Variants in GARNL3 observed in about 807,000 individuals in gnomAD.
The protein encoded by GARNL3 is GTPase-activating Rap/Ran-GAP domain-like protein 3.
In GARNL3, 63 loss-of-function variants were observed where a neutral mutation model predicts 125.0. That is an observed-to-expected ratio of 0.50 (90% confidence interval 0.41 to 0.62). The LOEUF (loss-of-function observed/expected upper bound fraction) is 0.62, where lower values mean the gene tolerates loss of function less well. GARNL3 is among the 20% of genes least tolerant of loss of function. The pLI, the probability that GARNL3 is intolerant of heterozygous loss-of-function variation, is 0.00. For synonymous variants in GARNL3, 439 were observed against 457.5 expected (o/e 0.96, Z 0.52); for missense variants, 994 against 1,244.0 (o/e 0.80, Z 3.02).
At chr9:127,267,512 A>T (rs1352344754) in intron 1 of GARNL3, among the ~76,000 whole-genome samples, 1 of 152,178 alleles carries the variant, frequency 6.6e-6, no homozygotes, top group Non-Finnish European at 1.5e-5. Flanking sequence ...ACATAGTGAT[A>T]AATGATTATC....
At chr9:127,254,563 G>A (rs990334299) in intron 2 of GARNL3, among the ~76,000 whole-genome samples, 1 of 152,164 alleles carries the variant, frequency 6.6e-6, no homozygotes, top group African/African-American at 2.4e-5. Context: ...GAGATCAGGA[G>A]TTTGAGACCA....
chr9:127,336,274 CT>C (rs1434175094), intron 11 of GARNL3, 38 bp downstream of exon 11: 2 of 1,449,584 alleles, frequency 1.4e-6, no homozygotes, highest in Non-Finnish European at 1.9e-6. Context: ...GTGTGGCAAG[CT>C]GTGGTTCAGC....
At chr9:127,389,215 G>A (rs1832704715) in intron 26 of GARNL3, 96 bp downstream of exon 26, 1 of 894,160 alleles carries the variant, frequency 1.1e-6, no homozygotes, top group Non-Finnish European at 1.7e-6. Flanking sequence ...GAGTTTAAAA[G>A]GAAAGTTTCC....
chr9:127,227,619 A>C (rs2062936401), intron 1 of GARNL3, among the ~76,000 whole-genome samples: 1 of 150,554 alleles, frequency 6.6e-6, no homozygotes. Context: ...CAAAAAACAA[A>C]AAAAAAACCT....
At chr9:127,355,810 G>A (rs1830658687) in intron 20 of GARNL3, among the ~76,000 whole-genome samples, 2 of 152,230 alleles carry the variant, frequency 1.3e-5, no homozygotes, top group African/African-American at 4.8e-5. Flanking sequence ...TAAACATAGA[G>A]GAGGGCCAGG....
intron 1 of GARNL3, among the ~76,000 whole-genome samples, chr9:127,289,036 C>T (rs751803283): frequency 1.3e-5 from 2 of 152,196 alleles, no homozygotes; most frequent in Admixed American, 6.5e-5. Context: ...GCAGCCTATA[C>T]CAGTAACACT....
intron 4 of GARNL3, among the ~76,000 whole-genome samples, chr9:127,315,336 G>T (rs972593080): frequency 8.5e-5 from 13 of 152,256 alleles, no homozygotes; most frequent in African/African-American, 3.1e-4. Flanking sequence ...AGGTTATAAA[G>T]CAGTTAGAAA....
intron 16 of GARNL3, among the ~76,000 whole-genome samples, 159 bp from the exon 17 acceptor site, chr9:127,348,765 A>G (rs989892519): frequency 6.6e-6 from 1 of 152,228 alleles, no homozygotes; most frequent in Non-Finnish European, 1.5e-5. Context: ...TCTTCCTAAG[A>G]AAGGTAATTG....
chr9:127,314,892 C>T (rs2065196695), intron 4 of GARNL3, among the ~76,000 whole-genome samples: 1 of 152,140 alleles, frequency 6.6e-6, no homozygotes, highest in Admixed American at 6.5e-5. Flanking sequence ...AAACAGAGGC[C>T]TGAAGATGGA....
At chr9:127,388,732 T>C in intron 25 of GARNL3, 172 bp from the exon 26 acceptor site, 3 of 602,024 alleles carry the variant, frequency 5.0e-6, no homozygotes, top group Non-Finnish European at 8.9e-6. Flanking sequence ...CGCAAAGCCA[T>C]CAGGCACCCT....
At chr9:127,310,520 A>C (rs2131460043) in intron 2 of GARNL3, among the ~76,000 whole-genome samples, 1 of 152,258 alleles carries the variant, frequency 6.6e-6, no homozygotes, top group Non-Finnish European at 1.5e-5. Context: ...AGTGGCTCAC[A>C]CCTGTAATCC....
intron 16 of GARNL3, among the ~76,000 whole-genome samples, chr9:127,347,929 A>G (rs1830226632): frequency 6.6e-6 from 1 of 152,212 alleles, no homozygotes; most frequent in Non-Finnish European, 1.5e-5. Flanking sequence ...AGAGAGCAGT[A>G]ACACACAGCA....
intron 2 of GARNL3, among the ~76,000 whole-genome samples, chr9:127,301,925 CTTTTTTTTTTTTT>C (rs754780368): frequency 8.8e-5 from 4 of 45,440 alleles, no homozygotes; most frequent in African/African-American, 1.1e-4. Context: ...ATTGGGAGGA[CTTTTTTTTTTTTT>C]TTTTTTTTTT....
At chr9:127,349,966 G>A (rs1830340315) in intron 17 of GARNL3, among the ~76,000 whole-genome samples, 1 of 152,144 alleles carries the variant, frequency 6.6e-6, no homozygotes, top group Non-Finnish European at 1.5e-5. Context: ...TCCTCCCTCC[G>A]ACGCTTACTG....
At chr9:127,247,237 G>GT (rs2063320388) in intron 2 of GARNL3, among the ~76,000 whole-genome samples, 1 of 152,192 alleles carries the variant, frequency 6.6e-6, no homozygotes, top group Non-Finnish European at 1.5e-5. Flanking sequence ...TAGTTTCACT[G>GT]TTGTGTACAC....
intron 21 of GARNL3, chr9:127,362,489 T>C (rs1327302345): frequency 6.6e-6 from 1 of 152,360 alleles, no homozygotes; most frequent in Middle Eastern, 3.4e-3. Flanking sequence ...GCTGGCTGAC[T>C]CCAGAGACCA....
chr9:127,331,516 C>A lies in GARNL3; in HGVS notation c.595-758C>A, dbSNP rs189227471. 2.7e-3 allele frequency among the ~76,000 whole-genome samples: 406 copies of A among 150,988 alleles called. 2 individuals are homozygous for A. The highest frequency in any genetic ancestry group is 9.2e-3 in the African/African-American group (380 of 41,218). On this transcript the variant is annotated intron_variant, in intron 7 of 27. Coordinates refer to ENST00000373387, the MANE Select transcript of GARNL3 (RefSeq NM_032293.5). ...TCAAAAAAAGAAAGAAAAAAAAAAA[C>A]CACTACCCAATTTAAGGAAGAAAAG...
At chr9:127,230,546 A>G (rs1282875290) in intron 1 of GARNL3, among the ~76,000 whole-genome samples, 2 of 151,798 alleles carry the variant, frequency 1.3e-5, no homozygotes, top group Non-Finnish European at 2.9e-5. Context: ...CCAGCTACTC[A>G]GGAGGCTGAG....
chr9:127,273,951 T>TCTACA (rs2063888796), intron 1 of GARNL3, among the ~76,000 whole-genome samples: 1 of 152,208 alleles, frequency 6.6e-6, no homozygotes, highest in Admixed American at 6.5e-5. Context: ...CATCTTATTC[T>TCTACA]CTTGTTTTCA....
Sources: gnomAD v4.1 joint callset for allele counts (sites outside exome capture counted in the v4.1 genomes callset) on GRCh38, gnomAD v4.1.1 for gene constraint, MANE v1.5 for transcripts, NCBI Gene and HGNC (gene_info 2026-07-23, HGNC 2026-07-21) for gene names.